Variants in TGFBR3 observed in about 807,000 individuals in gnomAD.
TGFBR3 encodes transforming growth factor beta receptor type 3.
In TGFBR3, 46 loss-of-function variants were observed where a neutral mutation model predicts 87.9. That is an observed-to-expected ratio of 0.52 (90% CI 0.41 to 0.67). The LOEUF is 0.67. Among genes scored for constraint, TGFBR3 ranks in the 30% least tolerant of loss-of-function variants. The pLI, the probability that TGFBR3 is intolerant of heterozygous loss-of-function variation, is 0.00. For missense variants in TGFBR3, 866 were observed against 1,041.9 expected (o/e 0.83, Z 2.32); for synonymous variants, 381 against 391.6 (o/e 0.97, Z 0.32).
At chr1:91,714,047 G>A (rs1479221314) in intron 12 of TGFBR3, among the ~76,000 whole-genome samples, 1 of 150,092 alleles carries the variant, frequency 6.7e-6, no homozygotes, top group Admixed American at 6.7e-5. Context: ...TAAATTATCA[G>A]CAAATCTTTT....
At chr1:91,765,437 A>C (rs1674143897) in intron 3 of TGFBR3, among the ~76,000 whole-genome samples, 1 of 151,994 alleles carries the variant, frequency 6.6e-6, no homozygotes, top group Non-Finnish European at 1.5e-5. Flanking sequence ...CAGAACATTA[A>C]CACACAGTCA....
intron 2 of TGFBR3, among the ~76,000 whole-genome samples, chr1:91,860,376 C>G (rs1678133482): frequency 6.6e-6 from 1 of 152,188 alleles, no homozygotes; most frequent in Admixed American, 6.5e-5. Flanking sequence ...AGCAGCTAAT[C>G]ACTTTTCGAG....
At chr1:91,764,317 CAAAAA>C (rs200776741) in intron 3 of TGFBR3, among the ~76,000 whole-genome samples, 4 of 77,394 alleles carry the variant, frequency 5.2e-5, no homozygotes, top group Admixed American at 1.5e-4. Flanking sequence ...ACAAAAGAGA[CAAAAA>C]AAAAAAAAAA....
chr1:91,819,966 T>C (rs1281723274), intron 2 of TGFBR3, among the ~76,000 whole-genome samples: 1 of 152,240 alleles, frequency 6.6e-6, no homozygotes, highest in Non-Finnish European at 1.5e-5. Context: ...GCCACAGTCT[T>C]TCTCAGTCTT....
chr1:91,681,382 A>T lies in TGFBR3; in HGVS notation c.*2357T>A, dbSNP rs1003748491. ...TGACAATGAGACCCAAACAAATAAAAGGTGATTTTTTTCCTCTCTCTCTCT... is the reference window on the plus strand; with the variant it reads ...TGACAATGAGACCCAAACAAATAAATGGTGATTTTTTTCCTCTCTCTCTCT... On this transcript the variant is annotated 3_prime_UTR_variant, in exon 17 of 17. Transcript: ENST00000212355. The T allele has an allele frequency of 3.7e-5, 15 of 410,278 alleles. No homozygotes were observed. Among genetic ancestry groups the T allele is most frequent in the Middle Eastern group, 7.8e-4 (1 of 1,274 alleles). The allele number at this position is 410,278 out of a possible 1,614,324, so 25.4% of individuals were successfully genotyped here.
At chr1:91,777,727 C>T (rs553792276) in intron 3 of TGFBR3, among the ~76,000 whole-genome samples, 198 of 152,246 alleles carry the variant, frequency 1.3e-3, no homozygotes, top group Non-Finnish European at 2.4e-3. Flanking sequence ...GTATTTAGGG[C>T]GATGAGATGT....
chr1:91,682,171 G>A lies in TGFBR3; in HGVS notation c.*1568C>T, dbSNP rs1195174710. On this transcript the variant is annotated 3_prime_UTR_variant, in exon 17 of 17. Transcript: ENST00000212355. Reference sequence around the variant, plus strand: ...TTTCCCATGTAGACACTGCCCTAAGGTTTTAAGCTTCATCAGGATTACCTA... The same window carrying A: ...TTTCCCATGTAGACACTGCCCTAAGATTTTAAGCTTCATCAGGATTACCTA... The A allele has an allele frequency of 1.5e-5, 7 of 453,890 alleles. No homozygotes were observed. The Admixed American group carries it at 1.6e-4, about 11-fold the overall frequency. The allele number at this position is 453,890 out of a possible 1,614,324, so 28.1% of individuals were successfully genotyped here.
intron 3 of TGFBR3, among the ~76,000 whole-genome samples, chr1:91,770,619 TCTAC>T (rs1236166764): frequency 6.6e-6 from 1 of 152,204 alleles, no homozygotes; most frequent in Non-Finnish European, 1.5e-5. Context: ...CTCAAATTGG[TCTAC>T]CTGAGTAATC....
intron 3 of TGFBR3, among the ~76,000 whole-genome samples, chr1:91,763,034 T>C (rs1674030001): frequency 6.6e-6 from 1 of 152,218 alleles, no homozygotes; most frequent in East Asian, 1.9e-4. Flanking sequence ...GCTTCTGGGT[T>C]CTCCAAAGGT....
At chr1:91,774,839 T>C (rs1324540605) in intron 3 of TGFBR3, among the ~76,000 whole-genome samples, 1 of 152,172 alleles carries the variant, frequency 6.6e-6, no homozygotes, top group African/African-American at 2.4e-5. Flanking sequence ...AGCAAAGGAA[T>C]AGAGAAAAGA....
At chr1:91,887,377 G>A (rs961716527), upstream of TGFBR3, among the ~76,000 whole-genome samples, 5 of 150,820 alleles carry the variant, frequency 3.3e-5, no homozygotes, top group African/African-American at 1.2e-4. Flanking sequence ...TCAGCCTCCT[G>A]AGTAGCTGGG....
At chr1:91,818,844 T>G (rs1400169766) in intron 2 of TGFBR3, among the ~76,000 whole-genome samples, 1 of 152,208 alleles carries the variant, frequency 6.6e-6, no homozygotes, top group Admixed American at 6.5e-5. Flanking sequence ...GAGTTTTGCA[T>G]GTCTTTTGTT....
chr1:91,896,771 A>G (rs1457656503), intron 2 of TGFBR3, among the ~76,000 whole-genome samples: 1 of 152,160 alleles, frequency 6.6e-6, no homozygotes, highest in Non-Finnish European at 1.5e-5. Flanking sequence ...TACTGCTATT[A>G]TCATTGCTGG....
chr1:91,710,638 G>T (rs944028004), intron 13 of TGFBR3, among the ~76,000 whole-genome samples: 2 of 152,188 alleles, frequency 1.3e-5, no homozygotes, highest in African/African-American at 4.8e-5. Context: ...CAAACAGAAA[G>T]ACAGTGGTAA....
At chr1:91,806,480 G>GT (rs1032694853) in intron 2 of TGFBR3, among the ~76,000 whole-genome samples, 7 of 152,036 alleles carry the variant, frequency 4.6e-5, no homozygotes, top group Non-Finnish European at 7.4e-5. Flanking sequence ...ACTGGCGGGG[G>GT]GGGTAATGTT....
intron 3 of TGFBR3, among the ~76,000 whole-genome samples, chr1:91,790,976 T>C (rs1675168974): frequency 6.6e-6 from 1 of 152,144 alleles, no homozygotes. Flanking sequence ...GTTCGTGTAT[T>C]AATATTGTGG....
rs1488109070 is a variant in TGFBR3 at position 91,853,002 on chromosome 1, C to A, written c.61+8469G>T. Among the ~76,000 whole-genome samples the A allele has an allele frequency of 1.3e-5, 2 of 150,420 alleles. 1 individual carries two copies. ...GAACCCCATCTCTACAGAAAAAAAA[C>A]ACAAAAATTAGCCAGGCATAGCGGC... On this transcript the variant is annotated intron_variant, in intron 2 of 16. Transcript: ENST00000212355.
chr1:91,815,507 C>G (rs1676190104), intron 2 of TGFBR3, among the ~76,000 whole-genome samples: 1 of 151,988 alleles, frequency 6.6e-6, no homozygotes, highest in South Asian at 2.1e-4. Context: ...CTCCTCACTA[C>G]CCACTTTACG....
chr1:91,817,750 G>A (rs113139980), intron 2 of TGFBR3, among the ~76,000 whole-genome samples: 3,009 of 152,222 alleles, frequency 0.02, 55 homozygotes, highest in Middle Eastern at 0.041. Flanking sequence ...CAATCAGAAA[G>A]GAAGCCTGTG....
Sources: gnomAD v4.1 joint callset for allele counts (sites outside exome capture counted in the v4.1 genomes callset) on GRCh38, gnomAD v4.1.1 for gene constraint, MANE v1.5 for transcripts, NCBI Gene and HGNC (gene_info 2026-07-23, HGNC 2026-07-21) for gene names.